The following PPP2R3A variants were observed in gnomAD, a reference collection of about 807,000 sequenced individuals.
PPP2R3A encodes protein phosphatase 2 regulatory subunit B''alpha.
In PPP2R3A, 80 loss-of-function variants were observed where a neutral mutation model predicts 106.9. That is an observed-to-expected ratio of 0.75 (90% CI 0.62 to 0.90). The LOEUF (loss-of-function observed/expected upper bound fraction) is 0.90. PPP2R3A is among the 40% of genes least tolerant of loss of function. The pLI is 0.00. For synonymous variants in PPP2R3A, 483 were observed against 468.3 expected, an observed-to-expected ratio of 1.03 and a Z score of -0.41; for missense variants, 1,386 against 1,350.4, an observed-to-expected ratio of 1.03 and a Z score of -0.41.
chr3:136,079,494 C>T (rs898898546), intron 7 of PPP2R3A, among the ~76,000 whole-genome samples: 1 of 151,290 alleles, frequency 6.6e-6, no homozygotes, highest in African/African-American at 2.4e-5. Context: ...CCACAATGTC[C>T]GCCTTCTGGA....
At position 136,027,077 on chromosome 3, in the gene PPP2R3A, T is replaced by G; in HGVS notation, c.2241T>G (p.Tyr747Ter). ...MDIEEQKADI[Y>*]EMGKIAKVCG... Reference sequence around the variant, plus strand: ...TTGAAGAACAGAAAGCAGACATTTATGAAATGGGGAAAATTGCAAAGGTAA... The same window carrying G: ...TTGAAGAACAGAAAGCAGACATTTAGGAAATGGGGAAAATTGCAAAGGTAA... The change falls in exon 3 of 14, where the codon TAT (tyrosine) becomes TAG (stop). Residue 747 changes from tyrosine to a stop codon, truncating the protein, a stop_gained. Transcript: ENST00000264977. LOFTEE classifies it high-confidence loss of function. The G allele has an allele frequency of 6.2e-7, 1 of 1,613,220 alleles. No individual in the cohort carries two copies.
intron 3 of PPP2R3A, among the ~76,000 whole-genome samples, chr3:136,030,465 T>C (rs992701899): frequency 2.6e-5 from 4 of 152,080 alleles, no homozygotes; most frequent in African/African-American, 4.8e-5. Context: ...GTAAGTTCTT[T>C]AGTGGTGATT....
intron 2 of PPP2R3A, among the ~76,000 whole-genome samples, chr3:136,012,254 A>G (rs1309989025): frequency 6.6e-6 from 1 of 152,190 alleles, no homozygotes; most frequent in Non-Finnish European, 1.5e-5. Flanking sequence ...GACACTAGAA[A>G]TTCTAGGGAT....
chr3:136,073,087 C>G (rs1280449851), intron 6 of PPP2R3A, among the ~76,000 whole-genome samples: 1 of 152,154 alleles, frequency 6.6e-6, no homozygotes, highest in East Asian at 1.9e-4. Context: ...CCTGCCTCAG[C>G]CTCCCAAGTA....
At chr3:136,039,670 T>A (rs955998879) in intron 3 of PPP2R3A, among the ~76,000 whole-genome samples, 1 of 152,184 alleles carries the variant, frequency 6.6e-6, no homozygotes, top group Admixed American at 6.5e-5. Context: ...GCCCTTCACC[T>A]CCTGCTGTGT....
intron 2 of PPP2R3A, among the ~76,000 whole-genome samples, chr3:136,009,873 C>T (rs1006386829): frequency 6.6e-6 from 1 of 152,164 alleles, no homozygotes; most frequent in African/African-American, 2.4e-5. Context: ...ATTGTGTTCT[C>T]TGTCTACTTT....
intron 11 of PPP2R3A, among the ~76,000 whole-genome samples, 156 bp downstream of exon 11, chr3:136,102,338 G>A (rs1937398604): frequency 1.4e-5 from 2 of 146,232 alleles, no homozygotes; most frequent in Non-Finnish European, 3.0e-5. Flanking sequence ...TATTAGTGTA[G>A]CAACTTTTTT....
intron 5 of PPP2R3A, chr3:136,055,612 GT>G: frequency 7.2e-7 from 1 of 1,387,254 alleles, no homozygotes; most frequent in African/African-American, 1.4e-5. Context: ...GCCAACTGCT[GT>G]ATTTAACACC....
rs1035707568 is a variant in PPP2R3A, at chr3:136,041,040, A to G, written c.2366+78A>G. 7.7e-6 allele frequency: 9 copies of G among 1,163,132 alleles called. No homozygotes were observed. The African/African-American group carries it at 7.8e-5, about 10-fold the overall frequency. 72.1% of individuals were successfully genotyped at this position (1,163,132 alleles called of 1,614,324 possible). On this transcript the variant is annotated intron_variant, in intron 4 of 13. Transcript: ENST00000264977. ...ATGACATGCTTTCTAAAGGTCACCTATTTTACTCATTTATACATTTTCCCT... is the reference window on the plus strand; with the variant it reads ...ATGACATGCTTTCTAAAGGTCACCTGTTTTACTCATTTATACATTTTCCCT...
intron 5 of PPP2R3A, among the ~76,000 whole-genome samples, chr3:136,069,442 T>G (rs1221920770): frequency 6.6e-6 from 1 of 152,090 alleles, no homozygotes; most frequent in Non-Finnish European, 1.5e-5. Flanking sequence ...CCTGGTGTGG[T>G]GCGACATACC....
intron 2 of PPP2R3A, among the ~76,000 whole-genome samples, chr3:136,014,656 A>G (rs544147638): frequency 5.3e-5 from 8 of 152,222 alleles, no homozygotes; most frequent in African/African-American, 1.9e-4. Context: ...TAGCAGTGCT[A>G]CTGATTTGTG....
At chr3:136,102,647 T>G (rs1311956829) in intron 11 of PPP2R3A, among the ~76,000 whole-genome samples, 1 of 152,096 alleles carries the variant, frequency 6.6e-6, no homozygotes, top group Non-Finnish European at 1.5e-5. Context: ...ATGCCCAGGC[T>G]TAGTGTAGCA....
intron 13 of PPP2R3A, among the ~76,000 whole-genome samples, chr3:136,142,115 A>G (rs779477156): frequency 3.3e-5 from 5 of 152,232 alleles, no homozygotes; most frequent in Non-Finnish European, 7.3e-5. Flanking sequence ...GTAGGCAGTG[A>G]GTAAAGCCAT....
chr3:136,003,872 A>G (rs1159845027), intron 2 of PPP2R3A, among the ~76,000 whole-genome samples: 1 of 152,204 alleles, frequency 6.6e-6, no homozygotes, highest in Non-Finnish European at 1.5e-5. Flanking sequence ...GGCATTTAAT[A>G]TTAGTCGTCA....
At chr3:135,978,481 G>T (rs977370644) in intron 1 of PPP2R3A, among the ~76,000 whole-genome samples, 4 of 136,864 alleles carry the variant, frequency 2.9e-5, no homozygotes, top group Admixed American at 2.8e-4. Context: ...TGGACAACTG[G>T]ATTTTTTTTT....
At chr3:136,051,140 GT>G (rs1935672080) in intron 5 of PPP2R3A, among the ~76,000 whole-genome samples, 1 of 152,118 alleles carries the variant, frequency 6.6e-6, no homozygotes, top group Non-Finnish European at 1.5e-5. Context: ...TAAATATTTG[GT>G]TTTTCTAAGC....
chr3:136,105,915 G>A lies in PPP2R3A; in HGVS notation c.3223-301G>A, dbSNP rs188232943. On this transcript the variant is annotated intron_variant, in intron 12 of 13. Coordinates refer to ENST00000264977, the MANE Select transcript of PPP2R3A (RefSeq NM_002718.5). ...GCAGAGGCTGCAGTGAGCCGAGATC[G>A]TGCCACTATACTCCAGCCTGGGTGA... is the stretch of plus-strand genomic sequence containing the variant. Among the ~76,000 whole-genome samples, 313 of 152,014 alleles carry A rather than the reference G, an allele frequency of 2.1e-3. 6 individuals carry two copies. The East Asian group carries it at 0.047, about 23-fold the overall frequency.
chr3:136,042,631 G>A (rs560400381), intron 4 of PPP2R3A, among the ~76,000 whole-genome samples: 32 of 152,166 alleles, frequency 2.1e-4, no homozygotes, highest in Admixed American at 5.9e-4. Flanking sequence ...CGCAAAAAGC[G>A]GGGGAAAGAC....
At chr3:136,101,638 C>G (rs1254473288) in intron 10 of PPP2R3A, among the ~76,000 whole-genome samples, 1 of 152,114 alleles carries the variant, frequency 6.6e-6, no homozygotes, top group African/African-American at 2.4e-5. Flanking sequence ...GTTGGCCAGG[C>G]TGATCTCAAA....
Sources: allele counts gnomAD v4.1 joint callset (sites outside exome capture counted in the v4.1 genomes callset), GRCh38; gene constraint gnomAD v4.1.1; transcripts MANE v1.5; gene names NCBI Gene and HGNC (gene_info 2026-07-23, HGNC 2026-07-21).